The following ADGRB3 variants were observed in gnomAD, a reference collection of about 807,000 sequenced individuals.
ADGRB3 encodes the protein adhesion G protein-coupled receptor B3.
Under a neutral mutation model 193.4 loss-of-function variants are expected in ADGRB3, and 37 were observed. The observed-to-expected ratio is 0.19, with a 90% confidence interval of 0.15 to 0.25. The LOEUF (loss-of-function observed/expected upper bound fraction) is 0.25. ADGRB3 is among the 10% of genes least tolerant of loss of function. The pLI, the probability that ADGRB3 is intolerant of heterozygous loss-of-function variation, is 1.00. For missense variants in ADGRB3, 1,637 were observed against 1,852.9 expected (o/e 0.88, Z 2.14); for synonymous variants, 690 against 644.2 (o/e 1.07, Z -1.08).
At chr6:68,852,041 A>G (rs1768413368) in intron 3 of ADGRB3, among the ~76,000 whole-genome samples, 1 of 151,924 alleles carries the variant, frequency 6.6e-6, no homozygotes, top group South Asian at 2.1e-4. Context: ...GTTGTTTACT[A>G]TAACCTATTG....
At chr6:68,679,500 A>G (rs916728434) in intron 3 of ADGRB3, among the ~76,000 whole-genome samples, 2 of 152,186 alleles carry the variant, frequency 1.3e-5, no homozygotes, top group African/African-American at 4.8e-5. Flanking sequence ...CCTAGACACA[A>G]AGAGTATTGG....
intron 3 of ADGRB3, among the ~76,000 whole-genome samples, chr6:68,691,842 TTATA>T (rs59476786): frequency 2.0e-4 from 30 of 147,876 alleles, no homozygotes; most frequent in East Asian, 4.0e-4. Context: ...AGAAGGACAA[TTATA>T]TATATATATA....
intron 3 of ADGRB3, among the ~76,000 whole-genome samples, chr6:68,798,539 G>T (rs1343205318): frequency 1.3e-5 from 2 of 151,816 alleles, no homozygotes; most frequent in African/African-American, 4.8e-5. Context: ...GTCAGGGGGT[G>T]GGGGGCTAGA....
intron 10 of ADGRB3, among the ~76,000 whole-genome samples, chr6:68,976,492 A>G (rs1382254783): frequency 2.0e-5 from 3 of 152,190 alleles, no homozygotes; most frequent in Non-Finnish European, 2.9e-5. Context: ...GAAAATCCAT[A>G]TGTAACTTTT....
At chr6:69,016,039 G>C (rs1770080418) in intron 12 of ADGRB3, among the ~76,000 whole-genome samples, 1 of 151,856 alleles carries the variant, frequency 6.6e-6, no homozygotes, top group South Asian at 2.1e-4. Flanking sequence ...TCCAGCTTGA[G>C]GCTTATTTTG....
intron 17 of ADGRB3, among the ~76,000 whole-genome samples, chr6:69,113,215 A>AT (rs1190651021): frequency 1.3e-5 from 2 of 152,072 alleles, no homozygotes; most frequent in African/African-American, 4.8e-5. Flanking sequence ...ACATATGTAT[A>AT]TGTACAATAT....
intron 3 of ADGRB3, among the ~76,000 whole-genome samples, chr6:68,762,281 C>A (rs564290110): frequency 5.3e-4 from 81 of 152,026 alleles, no homozygotes; most frequent in African/African-American, 1.8e-3. Context: ...TTTTCTGATC[C>A]CCTTTTTAAG....
chr6:68,680,970 A>C (rs151306956), intron 3 of ADGRB3, among the ~76,000 whole-genome samples: 1 of 152,266 alleles, frequency 6.6e-6, no homozygotes, highest in African/African-American at 2.4e-5. Flanking sequence ...AAAGAAAATA[A>C]ATTTATTTGG....
intron 3 of ADGRB3, among the ~76,000 whole-genome samples, chr6:68,656,458 A>G (rs192611205): frequency 5.3e-5 from 8 of 151,660 alleles, no homozygotes; most frequent in Admixed American, 5.3e-4. Context: ...AAAGTGTAAT[A>G]TACACGAAAT....
chr6:68,772,945 A>AG (rs1766667170), intron 3 of ADGRB3, among the ~76,000 whole-genome samples: 2 of 39,538 alleles, frequency 5.1e-5, no homozygotes, highest in Non-Finnish European at 9.5e-5. Flanking sequence ...ATACACACAC[A>AG]AAAATAAAAA....
At chr6:69,139,207 A>G (rs1000644198) in intron 17 of ADGRB3, among the ~76,000 whole-genome samples, 3 of 152,166 alleles carry the variant, frequency 2.0e-5, no homozygotes, top group Non-Finnish European at 4.4e-5. Context: ...CAGTGCTGCT[A>G]ATCTCAGCTC....
chr6:69,092,326 G>C (rs1352104437), intron 17 of ADGRB3, among the ~76,000 whole-genome samples: 1 of 152,160 alleles, frequency 6.6e-6, no homozygotes, highest in East Asian at 1.9e-4. Flanking sequence ...ACAGTAAACT[G>C]ACCCCATATT....
chr6:68,767,918 C>CTT (rs1456283604), intron 3 of ADGRB3, among the ~76,000 whole-genome samples: 7 of 152,090 alleles, frequency 4.6e-5, no homozygotes, highest in Admixed American at 1.3e-4. Context: ...AGAGCCAAAT[C>CTT]ATAAGTGAAC....
At chr6:69,035,244 G>C (rs909886656) in intron 13 of ADGRB3, among the ~76,000 whole-genome samples, 1 of 152,080 alleles carries the variant, frequency 6.6e-6, no homozygotes, top group African/African-American at 2.4e-5. Flanking sequence ...TTAGTAAATG[G>C]TGTCTTCTAT....
In ADGRB3 at chr6:69,360,922, T is replaced by C; in HGVS notation, c.3649T>C (p.Ser1217Pro). The part of the protein sequence containing the change: ...CRAATITGTL[S>P]RISLNDDEEE... The stretch of plus-strand genomic sequence containing the variant: ...AGCAGCCACAATAACAGGAACACTT[T>C]CTAGGATTTCTCTAAATGATGATGA... The change falls in exon 29 of 32, where the codon TCT becomes CCT. Residue 1217 changes from serine to proline, a missense_variant. Physicochemically the swap from Ser to Pro is moderately conservative, Grantham distance 74. Coordinates refer to ENST00000370598, the MANE Select transcript of ADGRB3 (RefSeq NM_001704.3). 1 of 1,612,298 alleles carries C rather than the reference T, an allele frequency of 6.2e-7. No homozygotes were observed. Among genetic ancestry groups the C allele is most frequent in the Non-Finnish European group, 8.5e-7 (1 of 1,178,902 alleles).
chr6:69,077,831 G>A (rs2150313258), intron 17 of ADGRB3, among the ~76,000 whole-genome samples: 1 of 152,096 alleles, frequency 6.6e-6, no homozygotes, highest in East Asian at 1.9e-4. Flanking sequence ...AGGGATTGGT[G>A]TAGTTCATGT....
At chr6:69,026,357 T>C (rs1770432942) in intron 13 of ADGRB3, among the ~76,000 whole-genome samples, 1 of 152,042 alleles carries the variant, frequency 6.6e-6, no homozygotes, top group African/African-American at 2.4e-5. Flanking sequence ...GATGCAGTGA[T>C]ATGTAGGGGC....
At chr6:69,181,628 G>A (rs146958376) in intron 17 of ADGRB3, among the ~76,000 whole-genome samples, 137 of 152,222 alleles carry the variant, frequency 9.0e-4, no homozygotes, top group Non-Finnish European at 1.4e-3. Context: ...AAACATAAAT[G>A]TAAACAACAT....
intron 17 of ADGRB3, among the ~76,000 whole-genome samples, chr6:69,139,787 G>T (rs556097326): frequency 3.2e-4 from 48 of 152,150 alleles, no homozygotes; most frequent in Non-Finnish European, 5.7e-4. Flanking sequence ...TCTGTCTGTT[G>T]TCTTAACCAC....
Sources: allele counts gnomAD v4.1 joint callset (sites outside exome capture counted in the v4.1 genomes callset), GRCh38; gene constraint gnomAD v4.1.1; transcripts MANE v1.5; gene names NCBI Gene and HGNC (gene_info 2026-07-23, HGNC 2026-07-21).